Variants in MYBPC1 observed in about 807,000 individuals in gnomAD.
MYBPC1 encodes myosin-binding protein C, slow-type.
MYBPC1 carries 52 observed loss-of-function variants against 147.1 expected under a neutral mutation model. The ratio of observed to expected loss-of-function variants is 0.35; its 90% CI spans 0.28 to 0.45. The LOEUF (loss-of-function observed/expected upper bound fraction) is 0.45, where lower values mean the gene tolerates loss of function less well. MYBPC1 is among the 20% of genes least tolerant of loss of function. The pLI, the probability that MYBPC1 is intolerant of heterozygous loss-of-function variation, is 1.00. For missense variants in MYBPC1, 1,228 were observed against 1,440.3 expected (o/e 0.85, Z 2.39); for synonymous variants, 477 against 475.9 (o/e 1.00, Z -0.03).
chr12:101,661,916 G>GAAAGAAAGGAAGA (rs34570818), intron 20 of MYBPC1, among the ~76,000 whole-genome samples: 1 of 124,882 alleles, frequency 8.0e-6, no homozygotes, highest in African/African-American at 3.1e-5. Context: ...AAAAAAAAAA[G>GAAAGAAAGGAAGA]AAAGAAAAAA....
intron 1 of MYBPC1, among the ~76,000 whole-genome samples, chr12:101,596,425 C>T (rs1176393760): frequency 6.6e-6 from 1 of 152,222 alleles, no homozygotes; most frequent in African/African-American, 2.4e-5. Flanking sequence ...TACTAAGTGT[C>T]CTTTTTATCT....
At chr12:101,627,629 C>G (rs111876404) in intron 4 of MYBPC1, 140 bp from the exon 5 acceptor site, 16 of 891,902 alleles carry the variant, frequency 1.8e-5, no homozygotes, top group African/African-American at 1.5e-4. Context: ...GATTTTCCAT[C>G]CAAGCCAACT....
rs182754285 is a variant in MYBPC1, at chr12:101,684,514, A to G, written c.*19+90A>G. The G allele has an allele frequency of 1.2e-3, 1,138 of 980,052 alleles. 4 individuals are homozygous for G. Among genetic ancestry groups the G allele is most frequent in the African/African-American group, 8.1e-3 (502 of 61,862 alleles). The allele number at this position is 980,052 out of a possible 1,614,324, so 60.7% of individuals were successfully genotyped here. On this transcript the variant is annotated intron_variant, in intron 31 of 31. Coordinates refer to ENST00000361466, the MANE Select transcript of MYBPC1 (RefSeq NM_002465.4). ...GAGTATGGCATGATTTTCATTACAT[A>G]ATCCAATGAAAATAGACTTATTTTA...
rs769223168 is a variant in MYBPC1, at chr12:101,627,807, G to A, written c.178+3G>A. On this transcript the variant is annotated splice_donor_region_variant and intron_variant, in intron 5 of 31. Coordinates refer to ENST00000361466, the MANE Select transcript of MYBPC1 (RefSeq NM_002465.4). The stretch of plus-strand genomic sequence containing the variant: ...GGCCCTGGAGAGAAAAGATTCAGGT[G>A]AGCGCAAGCCCAGAGAAGGCATCCT... 1.2e-6 allele frequency: 2 copies of A among 1,613,642 alleles called. No individual in the cohort carries two copies. The highest frequency in any genetic ancestry group is 1.7e-6 in the Non-Finnish European group (2 of 1,179,652).
downstream of MYBPC1, among the ~76,000 whole-genome samples, chr12:101,688,299 G>T (rs1951378670): frequency 6.6e-6 from 1 of 152,000 alleles, no homozygotes; most frequent in Non-Finnish European, 1.5e-5. Flanking sequence ...CACAACTGTA[G>T]TCTCAGCTAC....
chr12:101,627,861 G>A lies in MYBPC1; in HGVS notation c.178+57G>A, dbSNP rs1304913256. ...CTCATCCTAATACAATCACTAATGA[G>A]CTCATTTCTTGAAGCTGTATTGATT... On this transcript the variant is annotated intron_variant, in intron 5 of 31. Transcript: ENST00000361466. The A allele has an allele frequency of 1.9e-6, 3 of 1,542,312 alleles. No homozygotes were observed. The African/African-American group carries it at 4.1e-5, about 21-fold the overall frequency.
intron 25 of MYBPC1, among the ~76,000 whole-genome samples, chr12:101,674,862 CAAAAAA>C (rs62824364): frequency 5.0e-5 from 3 of 59,866 alleles, no homozygotes; most frequent in East Asian, 4.0e-4. Flanking sequence ...ACTCTGTCTC[CAAAAAA>C]AAAAAAAAAA....
intron 16 of MYBPC1, among the ~76,000 whole-genome samples, chr12:101,652,254 C>G (rs1463056274): frequency 6.6e-6 from 1 of 152,148 alleles, no homozygotes; most frequent in Non-Finnish European, 1.5e-5. Context: ...CAGATATTCA[C>G]TAGTTTGTGA....
chr12:101,605,139 G>A (rs1881636874), intron 1 of MYBPC1, among the ~76,000 whole-genome samples: 1 of 152,184 alleles, frequency 6.6e-6, no homozygotes, highest in African/African-American at 2.4e-5. Context: ...CTTTTATTTG[G>A]GTGGTCAGAA....
At chr12:101,659,459 T>C (rs1004010169) in intron 18 of MYBPC1, among the ~76,000 whole-genome samples, 2 of 152,170 alleles carry the variant, frequency 1.3e-5, no homozygotes, top group African/African-American at 4.8e-5. Flanking sequence ...GGTATAATAA[T>C]ACCTTGTCAT....
chr12:101,633,273 T>C lies in MYBPC1; in HGVS notation c.556+1135T>C, dbSNP rs542902876. Among the ~76,000 whole-genome samples, 15 of 152,250 alleles carry C rather than the reference T, an allele frequency of 9.9e-5. 1 individual carries two copies. The South Asian group carries it at 3.1e-3, about 32-fold the overall frequency. On this transcript the variant is annotated intron_variant, in intron 8 of 31. Coordinates refer to ENST00000361466, the MANE Select transcript of MYBPC1 (RefSeq NM_002465.4). ...AAGGAAGTCAGGCATACATGGCTTGTTGCAAAGAGGGGAAGGGGCTGTCAC... is the reference window on the plus strand; with the variant it reads ...AAGGAAGTCAGGCATACATGGCTTGCTGCAAAGAGGGGAAGGGGCTGTCAC...
intron 21 of MYBPC1, 86 bp downstream of exon 21, chr12:101,662,632 C>T (rs1008838418): frequency 7.0e-7 from 1 of 1,437,944 alleles, no homozygotes; most frequent in Non-Finnish European, 9.7e-7. Context: ...CTGGAACAGG[C>T]CTGGACACTT....
intron 9 of MYBPC1, 85 bp downstream of exon 9, chr12:101,634,690 C>T (rs569722801): frequency 6.4e-6 from 7 of 1,099,854 alleles, no homozygotes; most frequent in Middle Eastern, 4.2e-4. Context: ...CCCTGTATTC[C>T]GTATTCCAAA....
intron 1 of MYBPC1, among the ~76,000 whole-genome samples, chr12:101,613,023 G>A (rs1884827188): frequency 6.6e-6 from 1 of 152,088 alleles, no homozygotes; most frequent in Admixed American, 6.5e-5. Flanking sequence ...ATAAGTTTAT[G>A]TTTTTTGTCT....
rs1384908044 is a variant in MYBPC1, at chr12:101,659,735, A to G, written c.1831A>G (p.Ile611Val). The change falls in exon 19 of 32, where the codon ATT becomes GTT. Residue 611 changes from isoleucine (I) to valine (V), a missense_variant. By Grantham distance (29) the Ile-to-Val change is conservative. Around this residue, in one of 2 missense-constraint regions of MYBPC1, gnomAD observed 1,077 missense variants for 1,314.2 expected, o/e 0.82. Transcript: ENST00000361466. ...TTACCCTGATAGCAGCACTCTGGTC[A>G]TTGATATAGCTGAAAGAGATGACTC... Reference protein sequence around the residue: ...ESYPDSSTLVIDIAERDDSGV... With the variant: ...ESYPDSSTLVVDIAERDDSGV... 2 of 1,614,036 alleles carry G rather than the reference A, an allele frequency of 1.2e-6. No individual in the cohort carries two copies. Among genetic ancestry groups the G allele is most frequent in the Admixed American group, 3.3e-5 (2 of 60,006 alleles).
At chr12:101,695,430 C>T in the MYBPC1 span, among the ~76,000 whole-genome samples, 1 of 152,162 alleles carries the variant, frequency 6.6e-6, no homozygotes, top group African/African-American at 2.4e-5. Context: ...AAAACTCACA[C>T]TTTATTTCTG....
At chr12:101,691,843 A>T in the MYBPC1 span, among the ~76,000 whole-genome samples, 1 of 152,212 alleles carries the variant, frequency 6.6e-6, no homozygotes, top group Non-Finnish European at 1.5e-5. Context: ...CACTCAGTGC[A>T]GGCTTGGTCT....
downstream of MYBPC1, among the ~76,000 whole-genome samples, chr12:101,689,555 C>T (rs185256459): frequency 3.3e-5 from 5 of 149,694 alleles, no homozygotes; most frequent in African/African-American, 7.4e-5. Context: ...AGAGGAACAG[C>T]GAGTAGGAGA....
At chr12:101,687,565 A>G (rs1193628183), downstream of MYBPC1, among the ~76,000 whole-genome samples, 1 of 152,256 alleles carries the variant, frequency 6.6e-6, no homozygotes, top group Non-Finnish European at 1.5e-5. Flanking sequence ...CTACGTGCAC[A>G]GTATTGGTTA....
Sources: allele counts gnomAD v4.1 joint callset (sites outside exome capture counted in the v4.1 genomes callset), GRCh38; gene constraint gnomAD v4.1.1; regional missense constraint gnomAD v4.1.1; transcripts MANE v1.5; gene names NCBI Gene and HGNC (gene_info 2026-07-23, HGNC 2026-07-21).